Variants in MECOM observed in about 807,000 individuals in gnomAD.
The protein encoded by MECOM is MDS1 and EVI1 complex locus.
Under a neutral mutation model 116.3 loss-of-function variants are expected in MECOM, and 13 were observed. That is an observed-to-expected ratio of 0.11 (90% CI 0.07 to 0.18). The LOEUF is 0.18. Ranked by LOEUF, MECOM falls within the 10% of genes least tolerant of loss-of-function variation. The pLI is 1.00. For synonymous variants in MECOM, 528 were observed against 535.2 expected (o/e 0.99, Z 0.19); for missense variants, 1,299 against 1,509.0 (o/e 0.86, Z 2.31).
At chr3:169,419,114 G>A (rs1451686777) in intron 1 of MECOM, among the ~76,000 whole-genome samples, 1 of 152,106 alleles carries the variant, frequency 6.6e-6, no homozygotes, top group African/African-American at 2.4e-5. Context: ...GACAAACAGA[G>A]AGCCAAATCA....
At chr3:169,198,226 G>T (rs1297219323) in intron 2 of MECOM, among the ~76,000 whole-genome samples, 1 of 151,924 alleles carries the variant, frequency 6.6e-6, no homozygotes, top group Non-Finnish European at 1.5e-5. Flanking sequence ...TATTAAAATG[G>T]TTCAATGTCT....
intron 1 of MECOM, among the ~76,000 whole-genome samples, chr3:169,408,375 T>C (rs1371872257): frequency 6.6e-6 from 1 of 152,084 alleles, no homozygotes; most frequent in Non-Finnish European, 1.5e-5. Context: ...ACATGCGAGG[T>C]AGGAAACAGC....
chr3:169,195,572 G>A (rs956062513), intron 2 of MECOM, among the ~76,000 whole-genome samples: 4 of 152,066 alleles, frequency 2.6e-5, no homozygotes, highest in African/African-American at 2.4e-5. Context: ...CCTCAGGCCT[G>A]TGTCACTTTA....
chr3:169,127,382 T>C (rs1255833825), intron 5 of MECOM, among the ~76,000 whole-genome samples: 1 of 152,130 alleles, frequency 6.6e-6, no homozygotes, highest in East Asian at 1.9e-4. Flanking sequence ...ATATATGTAA[T>C]TTAGATCAAT....
chr3:169,651,495 C>T (rs1052106476), intron 1 of MECOM, among the ~76,000 whole-genome samples: 11 of 152,006 alleles, frequency 7.2e-5, no homozygotes, highest in African/African-American at 1.9e-4. Context: ...GCATTTGCAG[C>T]GACCTGGATG....
intron 2 of MECOM, among the ~76,000 whole-genome samples, chr3:169,280,913 T>G (rs565353190): frequency 6.6e-6 from 1 of 152,158 alleles, no homozygotes; most frequent in African/African-American, 2.4e-5. Context: ...GAGAACATAT[T>G]TGAGAGAAGT....
chr3:169,556,994 C>T (rs721806), intron 1 of MECOM, among the ~76,000 whole-genome samples: 1,811 of 152,048 alleles, frequency 0.012, 30 homozygotes, highest in African/African-American at 0.033. Flanking sequence ...AGTACAGGGG[C>T]TAAAAGTATC....
chr3:169,525,607 G>A (rs942989709), intron 1 of MECOM, among the ~76,000 whole-genome samples: 7 of 152,186 alleles, frequency 4.6e-5, no homozygotes, highest in African/African-American at 7.2e-5. Context: ...AAGAGAGCAC[G>A]TATCAGGTAG....
intron 1 of MECOM, among the ~76,000 whole-genome samples, chr3:169,633,856 C>T (rs1772385323): frequency 7.3e-6 from 1 of 137,280 alleles, no homozygotes; most frequent in African/African-American, 2.7e-5. Context: ...CAAAGTAAGA[C>T]AGAAAAAGGA....
intron 1 of MECOM, among the ~76,000 whole-genome samples, chr3:169,654,164 A>C (rs1328876084): frequency 6.6e-6 from 1 of 152,230 alleles, no homozygotes; most frequent in Non-Finnish European, 1.5e-5. Context: ...GATATTATAA[A>C]GTGCTCAGTC....
chr3:169,410,518 T>G (rs1737381454), intron 1 of MECOM, among the ~76,000 whole-genome samples: 1 of 152,182 alleles, frequency 6.6e-6, no homozygotes, highest in African/African-American at 2.4e-5. Context: ...ATATCTCAAC[T>G]TTTCCCCCTG....
rs191977051 is a variant in MECOM at position 169,592,742 on chromosome 3, T to A, written c.37+70594A>T. The stretch of plus-strand genomic sequence containing the variant: ...GTCCACATCTTAGAGTCCCTTGCCA[T>A]GCCCTCCATCTCAATTAGGGCACTT... On this transcript the variant is annotated intron_variant, in intron 1 of 16. Coordinates refer to ENST00000651503, the MANE Select transcript of MECOM (RefSeq NM_004991.4). Among the ~76,000 whole-genome samples, 134 of 152,334 alleles carry A rather than the reference T, an allele frequency of 8.8e-4. 1 individual carries two copies. The highest frequency in any genetic ancestry group is 3.1e-3 in the African/African-American group (128 of 41,584).
At chr3:169,090,277 A>G (rs779702694) in intron 14 of MECOM, 41 bp from the exon 15 acceptor site, 8 of 1,540,364 alleles carry the variant, frequency 5.2e-6, no homozygotes, top group Non-Finnish European at 7.0e-6. Context: ...TGTTGGTTTC[A>G]TTTTTAAAAT....
At chr3:169,588,001 A>G (rs1765973175) in intron 1 of MECOM, among the ~76,000 whole-genome samples, 1 of 152,210 alleles carries the variant, frequency 6.6e-6, no homozygotes, top group Non-Finnish European at 1.5e-5. Flanking sequence ...TAATTTAATT[A>G]CCATAATAAT....
At chr3:169,474,230 G>A (rs1417978106) in intron 1 of MECOM, among the ~76,000 whole-genome samples, 3 of 152,144 alleles carry the variant, frequency 2.0e-5, no homozygotes, top group African/African-American at 7.2e-5. Flanking sequence ...AAAGTCAGCC[G>A]AGAGAGCAAA....
intron 2 of MECOM, among the ~76,000 whole-genome samples, chr3:169,348,963 TG>T (rs1329988932): frequency 6.6e-6 from 1 of 151,970 alleles, no homozygotes; most frequent in East Asian, 1.9e-4. Flanking sequence ...TATGATTGGT[TG>T]TTAACCACTT....
intron 2 of MECOM, among the ~76,000 whole-genome samples, chr3:169,348,404 T>G (rs1422780133): frequency 6.6e-6 from 1 of 152,014 alleles, no homozygotes; most frequent in Non-Finnish European, 1.5e-5. Context: ...TTAATTCTAT[T>G]GCACTTATGG....
At position 169,302,527 on chromosome 3, in the gene MECOM, A is replaced by AT. The variant is rs145597792; in HGVS notation, c.375+78659dup. ...GATTGAAAGAATGAATAGAATGAAT[A>AT]TTTTTTGAACCAGGGAAAAACTATG... On this transcript the variant is annotated intron_variant, in intron 2 of 16. Coordinates refer to ENST00000651503, the MANE Select transcript of MECOM (RefSeq NM_004991.4). Among the ~76,000 whole-genome samples the AT allele has an allele frequency of 8.3e-3, 1,266 of 152,294 alleles. 19 individuals are homozygous for AT. Among genetic ancestry groups the AT allele is most frequent in the African/African-American group, 0.029 (1,221 of 41,558 alleles).
At chr3:169,120,840 T>G in intron 7 of MECOM, 1 of 398,282 alleles carries the variant, frequency 2.5e-6, no homozygotes, top group East Asian at 4.0e-5. Context: ...TGTTATTGAT[T>G]TCTTCTGAAA....
Sources: allele counts gnomAD v4.1 joint callset (sites outside exome capture counted in the v4.1 genomes callset), GRCh38; gene constraint gnomAD v4.1.1; transcripts MANE v1.5; gene names NCBI Gene and HGNC (gene_info 2026-07-23, HGNC 2026-07-21).